Variants in OSBP observed in about 807,000 individuals in gnomAD.
The protein encoded by OSBP is oxysterol-binding protein 1.
OSBP carries 32 observed loss-of-function variants against 96.6 expected under a neutral mutation model. The ratio of observed to expected loss-of-function variants is 0.33; its 90% CI spans 0.25 to 0.45. The LOEUF is 0.45. Among genes scored for constraint, OSBP ranks in the 20% least tolerant of loss-of-function variants. The pLI, the probability that OSBP is intolerant of heterozygous loss-of-function variation, is 1.00. For missense variants in OSBP, 653 were observed against 1,029.7 expected, an observed-to-expected ratio of 0.63 and a Z score of 5.01; for synonymous variants, 369 against 389.6, an observed-to-expected ratio of 0.95 and a Z score of 0.62.
Position 59,615,396 on chromosome 11 carries a change from G to C in OSBP, c.269C>G (p.Ala90Gly), listed in dbSNP as rs1469079592. 1.3e-6 allele frequency: 2 copies of C among 1,571,004 alleles called. No individual in the cohort carries two copies. Among genetic ancestry groups the C allele is most frequent in the South Asian group, 1.1e-5 (1 of 87,718 alleles). Residue 90 changes from alanine to glycine, a missense_variant, in exon 1 of 14, where the codon GCT becomes GGT. Physicochemically the swap from Ala to Gly is moderately conservative, Grantham distance 60. Transcript: ENST00000263847. ...GGSGAGGSGSAREGWLFKWTN... is the reference protein window; with the variant it reads ...GGSGAGGSGSGREGWLFKWTN... Reference sequence around the variant, plus strand: ...CCATTTGAAGAGCCAGCCCTCTCGAGCCGAGCCCGAACCCCCAGCGCCCGA... The same window carrying C: ...CCATTTGAAGAGCCAGCCCTCTCGACCCGAGCCCGAACCCCCAGCGCCCGA...
chr11:59,596,359 G>A (rs1171397279), intron 7 of OSBP, among the ~76,000 whole-genome samples: 1 of 152,124 alleles, frequency 6.6e-6, no homozygotes, highest in East Asian at 1.9e-4. Context: ...TACTCCACTG[G>A]TGGTACTAGA....
chr11:59,577,161 G>T, intron 12 of OSBP, 136 bp from the exon 13 acceptor site: 1 of 706,232 alleles, frequency 1.4e-6, no homozygotes, highest in Non-Finnish European at 2.3e-6. Context: ...AAAGGATCTA[G>T]GACCATGTCA....
intron 9 of OSBP, among the ~76,000 whole-genome samples, chr11:59,590,351 AGT>A (rs1002538113): frequency 5.9e-4 from 90 of 152,206 alleles, no homozygotes; most frequent in African/African-American, 2.1e-3. Context: ...GATGGCTTGT[AGT>A]CTCTCCTTTT....
At chr11:59,600,388 C>A (rs370778197) in intron 7 of OSBP, 108 bp downstream of exon 7, 22 of 1,188,316 alleles carry the variant, frequency 1.9e-5, no homozygotes, top group East Asian at 1.2e-4. Context: ...GTAAAAAAGA[C>A]CATGCCACAA....
rs1164916140 is a variant in OSBP at position 59,601,321 on chromosome 11, T to C, written c.1086A>G (p.Ala362=). Residue 362 remains alanine, a synonymous_variant, in exon 5 of 14, where the codon GCA becomes GCG. Transcript: ENST00000263847. Reference sequence around the variant, plus strand: ...TTTCAGGCATGGTGATGATCTCAGGTGCATCAAAAAATTCATTCTCATCAT... The same window carrying C: ...TTTCAGGCATGGTGATGATCTCAGGCGCATCAAAAAATTCATTCTCATCAT... The part of the protein sequence containing the change: ...DEDDENEFFD[A]PEIITMPENL... The C allele has an allele frequency of 6.2e-7, 1 of 1,613,192 alleles. No homozygotes were observed. The highest frequency in any genetic ancestry group is 1.1e-5 in the South Asian group (1 of 91,068).
Position 59,593,664 on chromosome 11 carries a change from G to T in OSBP, c.1618C>A (p.Arg540Ser). ...TTGCTGGTGATTTTGATTTCCTGAC[G>T]CAATGTCCAGCCATTTTTGGACTCA... ...HAESKNGWTL[R>S]QEIKITSKFR... The change falls in exon 9 of 14, where the codon CGT becomes AGT. Residue 540 changes from arginine to serine, a missense_variant. Around this residue, in one of 6 missense-constraint regions of OSBP, gnomAD observed 308 missense variants for 573.1 expected, o/e 0.54. Coordinates refer to ENST00000263847, the MANE Select transcript of OSBP (RefSeq NM_002556.3). 2 of 1,613,874 alleles carry T rather than the reference G, an allele frequency of 1.2e-6. No individual in the cohort carries two copies. Among genetic ancestry groups the T allele is most frequent in the Non-Finnish European group, 1.7e-6 (2 of 1,179,792 alleles).
intron 7 of OSBP, among the ~76,000 whole-genome samples, chr11:59,595,742 C>A (rs1445758905): frequency 6.6e-6 from 1 of 151,546 alleles, no homozygotes; most frequent in Non-Finnish European, 1.5e-5. Flanking sequence ...CAGTTTGAGA[C>A]CAGCCTGGGA....
chr11:59,596,716 A>C (rs573519995), intron 7 of OSBP, among the ~76,000 whole-genome samples: 1 of 152,236 alleles, frequency 6.6e-6, no homozygotes, highest in South Asian at 2.1e-4. Context: ...GAGGATCAGG[A>C]GAATGTAAAA....
intron 4 of OSBP, 115 bp from the exon 5 acceptor site, chr11:59,601,500 G>T: frequency 8.7e-7 from 1 of 1,151,702 alleles, no homozygotes; most frequent in Non-Finnish European, 1.3e-6. Flanking sequence ...GAAAGCAGTG[G>T]AAAATCCAGA....
Position 59,590,016 on chromosome 11 carries a change from A to C in OSBP, c.1678+3588T>G, listed in dbSNP as rs76156370. On this transcript the variant is annotated intron_variant, in intron 9 of 13. Coordinates refer to ENST00000263847, the MANE Select transcript of OSBP (RefSeq NM_002556.3). ...AAAAGAAATTCATATTTGCTCCTTA[A>C]AATAGCCTTCATTATTTGGAAACTT... Among the ~76,000 whole-genome samples, 14 of 152,290 alleles carry C rather than the reference A, an allele frequency of 9.2e-5. No individual in the cohort carries two copies. The East Asian group carries it at 2.7e-3, about 29-fold the overall frequency.
At chr11:59,589,931 C>T (rs994022041) in intron 9 of OSBP, among the ~76,000 whole-genome samples, 13 of 151,140 alleles carry the variant, frequency 8.6e-5, no homozygotes, top group African/African-American at 2.7e-4. Flanking sequence ...TGCAGTGAGC[C>T]GAGATTGCGC....
intron 9 of OSBP, among the ~76,000 whole-genome samples, chr11:59,588,835 G>A (rs1309850031): frequency 6.6e-6 from 1 of 151,872 alleles, no homozygotes; most frequent in East Asian, 1.9e-4. Context: ...GAGAAACCCC[G>A]TGTCTACTAA....
At position 59,601,838 on chromosome 11, in the gene OSBP, C is replaced by T; in HGVS notation, c.823G>A (p.Ala275Thr). The change falls in exon 4 of 14, where the codon GCC (alanine) becomes ACC (threonine). Residue 275 changes from alanine (A) to threonine (T), a missense_variant and splice_region_variant. Coordinates refer to ENST00000263847, the MANE Select transcript of OSBP (RefSeq NM_002556.3). ...FRITSNAMIN[A>T]CRDFLMLAQT... is the part of the protein sequence containing the mutation. ...GCTAACATGAGGAAATCTCTGCAGGCCTGTATGGAGAAAGCGTTGACTGTG... is the reference window on the plus strand; with the variant it reads ...GCTAACATGAGGAAATCTCTGCAGGTCTGTATGGAGAAAGCGTTGACTGTG... 6.2e-7 allele frequency: 1 copy of T among 1,613,848 alleles called. No individual in the cohort carries two copies. Among genetic ancestry groups the T allele is most frequent in the Non-Finnish European group, 8.5e-7 (1 of 1,179,800 alleles).
chr11:59,611,674 A>G (rs763760780), intron 1 of OSBP, among the ~76,000 whole-genome samples: 1 of 152,214 alleles, frequency 6.6e-6, no homozygotes, highest in Non-Finnish European at 1.5e-5. Flanking sequence ...AAGGTCCACC[A>G]TACTCTACTG....
chr11:59,583,707 G>A (rs556595743), intron 9 of OSBP, among the ~76,000 whole-genome samples: 2 of 136,778 alleles, frequency 1.5e-5, no homozygotes, highest in African/African-American at 5.5e-5. Context: ...GCAGTGGCAC[G>A]GTCTCGGCTC....
At chr11:59,600,752 A>T in intron 6 of OSBP, 67 bp downstream of exon 6, 1 of 1,570,570 alleles carries the variant, frequency 6.4e-7, no homozygotes, top group Non-Finnish European at 8.6e-7. Flanking sequence ...TCACAAAAAA[A>T]AAAAAAAAAT....
chr11:59,600,731 C>T, intron 6 of OSBP, 88 bp downstream of exon 6: 2 of 1,531,728 alleles, frequency 1.3e-6, no homozygotes, highest in Non-Finnish European at 8.9e-7. Context: ...AAATCAGTTT[C>T]TCTTAGCACT....
At chr11:59,599,667 A>T (rs2134668404) in intron 7 of OSBP, among the ~76,000 whole-genome samples, 1 of 152,280 alleles carries the variant, frequency 6.6e-6, no homozygotes, top group East Asian at 1.9e-4. Context: ...AAAAAGACAC[A>T]CTATAGCTGC....
chr11:59,611,817 C>A (rs1860852231), intron 1 of OSBP, among the ~76,000 whole-genome samples: 1 of 152,176 alleles, frequency 6.6e-6, no homozygotes, highest in Admixed American at 6.5e-5. Flanking sequence ...TTGAACTTTA[C>A]AGCATTACTT....
Sources: gnomAD v4.1 joint callset for allele counts (sites outside exome capture counted in the v4.1 genomes callset) on GRCh38, gnomAD v4.1.1 for gene constraint, gnomAD v4.1.1 regional missense constraint, MANE v1.5 for transcripts, NCBI Gene and HGNC (gene_info 2026-07-23, HGNC 2026-07-21) for gene names.